The following BABAM2 variants were observed in gnomAD, a reference collection of about 807,000 sequenced individuals.
BABAM2 encodes the protein BRISC and BRCA1 A complex member 2.
BABAM2 carries 31 observed loss-of-function variants against 54.7 expected under a neutral mutation model. The ratio of observed to expected loss-of-function variants is 0.57; its 90% CI spans 0.43 to 0.77. BABAM2 has a LOEUF of 0.77. Ranked by LOEUF, BABAM2 falls within the 30% of genes least tolerant of loss-of-function variation. The pLI is 0.00. For synonymous variants in BABAM2, 167 were observed against 162.9 expected (o/e 1.03, Z -0.19); for missense variants, 364 against 455.8 (o/e 0.80, Z 1.83).
rs200394518 is a variant in BABAM2, at chr2:28,135,862, AG to A, written c.680+6486del. Among the ~76,000 whole-genome samples the A allele has an allele frequency of 7.9e-3, 1,199 of 152,214 alleles. 20 individuals carry two copies. The highest frequency in any genetic ancestry group is 0.027 in the African/African-American group (1,141 of 41,522). On this transcript the variant is annotated intron_variant, in intron 7 of 11. Transcript: ENST00000379624. ...AGTCTTCCAGTTGCCATGGGTCCTG[AG>A]GGGCTCTTAACTTCTAGTTCCTTCC...
At chr2:27,987,961 T>A in intron 3 of BABAM2, 32 bp from the exon 4 acceptor site, 1 of 1,550,726 alleles carries the variant, frequency 6.4e-7, no homozygotes, top group Non-Finnish European at 8.9e-7. Flanking sequence ...AGAAAGGAAA[T>A]AAAAAGGACC....
chr2:28,192,445 T>TA lies in BABAM2; in HGVS notation c.681-44746dup, dbSNP rs61354708. On this transcript the variant is annotated intron_variant, in intron 7 of 11. Coordinates refer to ENST00000379624, the MANE Select transcript of BABAM2 (RefSeq NM_199191.3). The stretch of plus-strand genomic sequence containing the variant: ...ATGTACCCTGGAACTTAAAGTATAA[T>TA]AAAAAAAAAAATAGAGAAGCTAATG... Among the ~76,000 whole-genome samples the TA allele has an allele frequency of 2.0e-3, 294 of 145,788 alleles. 4 individuals are homozygous for TA. Among genetic ancestry groups the TA allele is most frequent in the African/African-American group, 6.3e-3 (250 of 39,406 alleles).
At chr2:28,090,085 G>A (rs745947832) in intron 6 of BABAM2, among the ~76,000 whole-genome samples, 4 of 152,072 alleles carry the variant, frequency 2.6e-5, no homozygotes, top group Non-Finnish European at 5.9e-5. Flanking sequence ...ATTAATCTTA[G>A]AATAATTTTT....
At chr2:27,913,005 A>G (rs1398728972) in intron 2 of BABAM2, among the ~76,000 whole-genome samples, 1 of 152,200 alleles carries the variant, frequency 6.6e-6, no homozygotes, top group East Asian at 1.9e-4. Context: ...AAAGTAAAGC[A>G]GCTTATCTTC....
At chr2:28,016,126 G>A (rs1367251854) in intron 4 of BABAM2, 7 of 1,183,652 alleles carry the variant, frequency 5.9e-6, no homozygotes, top group Admixed American at 2.1e-5. Context: ...CTTATCTTCA[G>A]AATCAGAAGA....
chr2:27,967,311 T>A (rs1670902645), intron 3 of BABAM2, among the ~76,000 whole-genome samples: 1 of 152,130 alleles, frequency 6.6e-6, no homozygotes, highest in Admixed American at 6.5e-5. Flanking sequence ...TCTCATGAGA[T>A]CTGATGGTTC....
At chr2:27,993,445 A>G (rs1263453256) in intron 4 of BABAM2, among the ~76,000 whole-genome samples, 1 of 152,210 alleles carries the variant, frequency 6.6e-6, no homozygotes, top group African/African-American at 2.4e-5. Flanking sequence ...AAATAAAATC[A>G]GTTAACAGAA....
At chr2:28,040,370 G>A (rs1440071758) in intron 5 of BABAM2, among the ~76,000 whole-genome samples, 4 of 135,118 alleles carry the variant, frequency 3.0e-5, no homozygotes, top group African/African-American at 8.2e-5. Flanking sequence ...GCGGGATCTC[G>A]GCTCACTGCA....
chr2:27,990,161 T>G (rs909700315), intron 4 of BABAM2, among the ~76,000 whole-genome samples: 3 of 152,178 alleles, frequency 2.0e-5, no homozygotes, highest in African/African-American at 7.2e-5. Context: ...ACCCAGGGCT[T>G]CTTCATGGAT....
chr2:28,002,881 C>A (rs147666447), intron 4 of BABAM2, among the ~76,000 whole-genome samples: 53 of 152,232 alleles, frequency 3.5e-4, no homozygotes, highest in African/African-American at 1.3e-3. Flanking sequence ...CATTAGCAAA[C>A]CTTTGCTAAT....
intron 6 of BABAM2, among the ~76,000 whole-genome samples, chr2:28,068,218 G>A (rs1304602000): frequency 6.6e-6 from 1 of 152,172 alleles, no homozygotes; most frequent in Non-Finnish European, 1.5e-5. Flanking sequence ...TTCTGATTAT[G>A]TAATAGCCTG....
At chr2:28,079,184 CAG>C (rs1223974458) in intron 6 of BABAM2, among the ~76,000 whole-genome samples, 7 of 152,226 alleles carry the variant, frequency 4.6e-5, no homozygotes, top group South Asian at 2.1e-4. Context: ...TTCCTCAAAA[CAG>C]AAATTTCAGA....
chr2:28,310,262 G>A (rs1688956176), intron 11 of BABAM2: 1 of 1,117,238 alleles, frequency 9.0e-7, no homozygotes, highest in Non-Finnish European at 1.3e-6. Flanking sequence ...CCTCATCCCA[G>A]AGGAAGCCAC....
chr2:28,016,387 A>G, intron 4 of BABAM2: 1 of 1,395,720 alleles, frequency 7.2e-7, no homozygotes, highest in South Asian at 1.2e-5. Flanking sequence ...GATTCAGATA[A>G]TCCTGTATTT....
chr2:27,902,924 T>TGTGAGA (rs1305244548), intron 2 of BABAM2, among the ~76,000 whole-genome samples: 3 of 150,002 alleles, frequency 2.0e-5, no homozygotes, highest in Non-Finnish European at 3.0e-5. Context: ...TGTGTGTGTG[T>TGTGAGA]GAGAGAGAGA....
chr2:28,141,850 T>TGG (rs905869950), intron 7 of BABAM2, among the ~76,000 whole-genome samples: 1 of 152,286 alleles, frequency 6.6e-6, no homozygotes, highest in South Asian at 2.1e-4. Flanking sequence ...TCAATGTGGA[T>TGG]GGGGGGTATG....
intron 11 of BABAM2, among the ~76,000 whole-genome samples, chr2:28,332,680 G>A (rs1367051921): frequency 6.6e-6 from 1 of 152,182 alleles, no homozygotes; most frequent in East Asian, 1.9e-4. Flanking sequence ...TACCCTTCTA[G>A]GAAGAGCTGC....
intron 2 of BABAM2, 66 bp downstream of exon 2, chr2:27,894,750 T>C: frequency 8.2e-6 from 13 of 1,578,806 alleles, no homozygotes; most frequent in Non-Finnish European, 1.1e-5. Flanking sequence ...ATGACAGCCC[T>C]TCCTTACCAG....
At chr2:28,095,460 C>T (rs1666529999) in intron 6 of BABAM2, among the ~76,000 whole-genome samples, 1 of 152,164 alleles carries the variant, frequency 6.6e-6, no homozygotes, top group African/African-American at 2.4e-5. Context: ...GGGGCTAGTA[C>T]AGAGTTGGTG....
Sources: allele counts gnomAD v4.1 joint callset (sites outside exome capture counted in the v4.1 genomes callset), GRCh38; gene constraint gnomAD v4.1.1; transcripts MANE v1.5; gene names NCBI Gene and HGNC (gene_info 2026-07-23, HGNC 2026-07-21).